Variants in MEIS1 observed in about 807,000 individuals in gnomAD.
The protein encoded by MEIS1 is homeobox protein Meis1.
In MEIS1, 5 loss-of-function variants were observed where a neutral mutation model predicts 50.8. The ratio of observed to expected loss-of-function variants is 0.10; its 90% CI spans 0.05 to 0.21. The LOEUF is 0.21. MEIS1 is among the 10% of genes least tolerant of loss of function. The pLI, the probability that MEIS1 is intolerant of heterozygous loss-of-function variation, is 1.00. For missense variants in MEIS1, 318 were observed against 517.3 expected, an observed-to-expected ratio of 0.61 and a Z score of 3.74; for synonymous variants, 176 against 179.3, an observed-to-expected ratio of 0.98 and a Z score of 0.15.
chr2:66,463,771 G>A (rs994390103), intron 6 of MEIS1, among the ~76,000 whole-genome samples: 1 of 152,194 alleles, frequency 6.6e-6, no homozygotes, highest in African/African-American at 2.4e-5. Flanking sequence ...GCAGACTGTT[G>A]TGCCAGAGGG....
At chr2:66,469,320 C>T (rs530034883) in intron 7 of MEIS1, among the ~76,000 whole-genome samples, 1 of 152,098 alleles carries the variant, frequency 6.6e-6, no homozygotes, top group Admixed American at 6.5e-5. Context: ...CCCTCCACAC[C>T]AGCTTTTGTG....
At chr2:66,477,719 A>G (rs1352155151) in intron 7 of MEIS1, among the ~76,000 whole-genome samples, 1 of 152,184 alleles carries the variant, frequency 6.6e-6, no homozygotes, top group Non-Finnish European at 1.5e-5. Flanking sequence ...CTGATTGATG[A>G]ACATTTCCTG....
chr2:66,518,980 C>T (rs1326669283), intron 8 of MEIS1, among the ~76,000 whole-genome samples: 1 of 152,208 alleles, frequency 6.6e-6, no homozygotes, highest in Non-Finnish European at 1.5e-5. Flanking sequence ...GTAACATCCA[C>T]ATCATATCTG....
At chr2:66,484,788 G>A (rs1329580905) in intron 7 of MEIS1, among the ~76,000 whole-genome samples, 1 of 152,098 alleles carries the variant, frequency 6.6e-6, no homozygotes, top group Non-Finnish European at 1.5e-5. Flanking sequence ...TCGAACTCCT[G>A]ACCTCTGGTG....
rs1673951585 is a variant in MEIS1 at position 66,515,737 on chromosome 2, C to T, written c.888+3443C>T. Among the ~76,000 whole-genome samples, 3 of 152,016 alleles carry T rather than the reference C, an allele frequency of 2.0e-5. No individual in the cohort carries two copies. The South Asian group carries it at 6.2e-4, about 31-fold the overall frequency. ...AGTAGAGAGGGTCTCTTAAAAGAAA[C>T]TATTCCCTGGAATTGAAAGGAATGA... is the stretch of plus-strand genomic sequence containing the variant. On this transcript the variant is annotated intron_variant, in intron 8 of 12. Coordinates refer to ENST00000272369, the MANE Select transcript of MEIS1 (RefSeq NM_002398.3).
At position 66,525,666 on chromosome 2, in the gene MEIS1, G is replaced by C. The variant is rs906979526; in HGVS notation, c.888+13372G>C. Among the ~76,000 whole-genome samples the C allele has an allele frequency of 5.3e-5, 8 of 152,172 alleles. No individual in the cohort carries two copies. In the South Asian group the frequency reaches 1.7e-3, roughly 32 times the overall value. On this transcript the variant is annotated intron_variant, in intron 8 of 12. Transcript: ENST00000272369. ...CTCTGAAAGCTTCTGATAGACGCAG[G>C]GCTCTGCAGAAAGACAGACTGTTTC... is the stretch of plus-strand genomic sequence containing the variant.
At chr2:66,476,346 A>G (rs895062709) in intron 7 of MEIS1, among the ~76,000 whole-genome samples, 2 of 152,370 alleles carry the variant, frequency 1.3e-5, no homozygotes, top group South Asian at 2.1e-4. Flanking sequence ...TACTACAAAT[A>G]AAAGTATTGC....
chr2:66,488,394 G>A (rs955726825), intron 7 of MEIS1, among the ~76,000 whole-genome samples: 3 of 152,136 alleles, frequency 2.0e-5, no homozygotes, highest in African/African-American at 4.8e-5. Flanking sequence ...TAAACAATGA[G>A]CTGGCTAGGT....
At chr2:66,445,005 C>T (rs1489445656) in intron 6 of MEIS1, among the ~76,000 whole-genome samples, 1 of 152,110 alleles carries the variant, frequency 6.6e-6, no homozygotes, top group East Asian at 1.9e-4. Context: ...AGAGAGAATA[C>T]AAAAATTAAT....
intron 7 of MEIS1, among the ~76,000 whole-genome samples, chr2:66,477,457 T>C (rs1672920609): frequency 6.6e-6 from 1 of 152,220 alleles, no homozygotes. Context: ...TGGTCATTGA[T>C]GGCTGTGGCT....
Position 66,571,805 on chromosome 2 carries a change from A to C in MEIS1, c.*597A>C. On this transcript the variant is annotated 3_prime_UTR_variant, in exon 13 of 13. Transcript: ENST00000272369. ...TTGTTTCTTATAGATTTTTTAAAAA[A>C]AATGTGAAATTTTTCCACACTATGT... 2.6e-6 allele frequency: 1 copy of C among 381,130 alleles called. No homozygotes were observed. 23.6% of individuals were successfully genotyped at this position (381,130 alleles called of 1,614,324 possible).
chr2:66,492,660 C>G (rs1330522164), intron 7 of MEIS1, among the ~76,000 whole-genome samples: 2 of 152,174 alleles, frequency 1.3e-5, no homozygotes, highest in Non-Finnish European at 1.5e-5. Flanking sequence ...CTTGGAGACT[C>G]CTACAGCAGA....
At chr2:66,494,688 T>C (rs535398124) in intron 7 of MEIS1, among the ~76,000 whole-genome samples, 1 of 152,234 alleles carries the variant, frequency 6.6e-6, no homozygotes, top group Non-Finnish European at 1.5e-5. Flanking sequence ...TGTTTTACAG[T>C]ACTTCATGTT....
At chr2:66,520,651 A>C (rs1674094363) in intron 8 of MEIS1, among the ~76,000 whole-genome samples, 1 of 152,244 alleles carries the variant, frequency 6.6e-6, no homozygotes, top group East Asian at 1.9e-4. Context: ...GGATTATTCT[A>C]TCCTTTCAAC....
intron 7 of MEIS1, among the ~76,000 whole-genome samples, chr2:66,469,201 A>G (rs1452073305): frequency 2.6e-5 from 4 of 151,786 alleles, no homozygotes; most frequent in Non-Finnish European, 5.9e-5. Context: ...TAAAAAAAAA[A>G]AAGCAAAACC....
intron 7 of MEIS1, 35 bp downstream of exon 7, chr2:66,464,255 TC>T (rs1212742103): frequency 1.3e-6 from 2 of 1,508,632 alleles, no homozygotes; most frequent in African/African-American, 2.8e-5. Flanking sequence ...GCTACTTGTT[TC>T]ATTTTTAAGG....
At chr2:66,547,485 G>T (rs1408436771) in intron 8 of MEIS1, among the ~76,000 whole-genome samples, 3 of 152,024 alleles carry the variant, frequency 2.0e-5, no homozygotes, top group Non-Finnish European at 4.4e-5. Context: ...TTTGCATCTG[G>T]CAATATGGTG....
intron 2 of MEIS1, chr2:66,439,234 A>C (rs1471415921): frequency 3.0e-6 from 3 of 1,015,862 alleles, no homozygotes; most frequent in East Asian, 8.3e-5. Flanking sequence ...GGGGGCTATC[A>C]GCGAAGGGAG....
chr2:66,568,582 G>C, intron 10 of MEIS1, 85 bp from the exon 11 acceptor site: 2 of 1,020,460 alleles, frequency 2.0e-6, no homozygotes. Flanking sequence ...TCTTTCTCTG[G>C]TATGTTCTCC....
Sources: allele counts gnomAD v4.1 joint callset (sites outside exome capture counted in the v4.1 genomes callset), GRCh38; gene constraint gnomAD v4.1.1; transcripts MANE v1.5; gene names NCBI Gene and HGNC (gene_info 2026-07-23, HGNC 2026-07-21).